MYO6: variants seen among roughly 807,000 people sequenced by gnomAD.
MYO6 encodes myosin VI.
MYO6 carries 74 observed loss-of-function variants against 178.7 expected under a neutral mutation model. The observed-to-expected ratio is 0.41, with a 90% confidence interval of 0.34 to 0.50. The LOEUF is 0.50. Ranked by LOEUF, MYO6 falls within the 20% of genes least tolerant of loss-of-function variation. The pLI is 0.09. For missense variants in MYO6, 1,330 were observed against 1,547.4 expected (o/e 0.86, Z 2.36); for synonymous variants, 477 against 504.6 (o/e 0.95, Z 0.73).
chr6:75,842,412 C>CT (rs1356442670), intron 9 of MYO6, among the ~76,000 whole-genome samples: 1 of 152,122 alleles, frequency 6.6e-6, no homozygotes, highest in African/African-American at 2.4e-5. Context: ...TTCTGATAGT[C>CT]TTTTTTGGTC....
At chr6:75,790,023 ATAT>A (rs1234059955) in intron 1 of MYO6, among the ~76,000 whole-genome samples, 2 of 152,148 alleles carry the variant, frequency 1.3e-5, no homozygotes, top group Non-Finnish European at 2.9e-5. Context: ...TTTACTTAAT[ATAT>A]TATCTTCTAG....
chr6:75,808,238 T>C (rs1373458436), intron 1 of MYO6, among the ~76,000 whole-genome samples: 1 of 152,234 alleles, frequency 6.6e-6, no homozygotes, highest in Non-Finnish European at 1.5e-5. Context: ...TTCACAGTTT[T>C]GTAACCTGGA....
At position 75,844,935 on chromosome 6, in the gene MYO6, A is replaced by G. The variant is rs1774582817; in HGVS notation, c.855A>G (p.Lys285=). 1 of 1,613,456 alleles carries G rather than the reference A, an allele frequency of 6.2e-7. No individual in the cohort carries two copies. The highest frequency in any genetic ancestry group is 1.1e-5 in the South Asian group (1 of 91,064). ...NRGCTRYFAN[K]ETDKQILQNR... is the part of the protein sequence containing the mutation. ...GCTGCACTAGATACTTTGCTAACAA[A>G]GAAACTGACAAACAGATTTTACAGA... The change falls in exon 10 of 35, where the codon AAA becomes AAG. Residue 285 remains lysine (K), a synonymous_variant. Transcript: ENST00000369977.
chr6:75,913,068 C>T (rs1780882634), intron 33 of MYO6, among the ~76,000 whole-genome samples: 1 of 152,062 alleles, frequency 6.6e-6, no homozygotes, highest in Non-Finnish European at 1.5e-5. Context: ...GTACATTTTA[C>T]AATATTTCTT....
intron 30 of MYO6, among the ~76,000 whole-genome samples, chr6:75,904,261 C>T (rs1322771006): frequency 6.7e-6 from 1 of 150,088 alleles, no homozygotes; most frequent in Non-Finnish European, 1.5e-5. Context: ...TTTCCTGAAT[C>T]TGAATGTTGG....
intron 30 of MYO6, among the ~76,000 whole-genome samples, chr6:75,905,500 C>G (rs1300790138): frequency 2.0e-5 from 3 of 152,262 alleles, no homozygotes; most frequent in Non-Finnish European, 4.4e-5. Context: ...GTCTGTCACC[C>G]CTTTCTTTGA....
At chr6:75,819,230 G>T (rs1342215658) in intron 2 of MYO6, among the ~76,000 whole-genome samples, 4 of 151,966 alleles carry the variant, frequency 2.6e-5, no homozygotes, top group Non-Finnish European at 5.9e-5. Context: ...TTTCCACAAA[G>T]TTTTTTTTGA....
chr6:75,804,429 G>T (rs12662672), intron 1 of MYO6, among the ~76,000 whole-genome samples: 5,629 of 152,176 alleles, frequency 0.037, 228 homozygotes, highest in East Asian at 0.15. Context: ...ATTGTTTTGA[G>T]CAGCAAGGCC....
At chr6:75,902,776 T>C (rs1157311324) in intron 30 of MYO6, among the ~76,000 whole-genome samples, 15 of 150,894 alleles carry the variant, frequency 9.9e-5, no homozygotes, top group African/African-American at 2.9e-4. Context: ...AGCTTTTGAA[T>C]GTGTTTGCTC....
At chr6:75,795,293 T>TC (rs1768688086) in intron 1 of MYO6, among the ~76,000 whole-genome samples, 1 of 152,168 alleles carries the variant, frequency 6.6e-6, no homozygotes, top group Admixed American at 6.5e-5. Flanking sequence ...GAGATCTACT[T>TC]TAAAAAAAAC....
intron 1 of MYO6, among the ~76,000 whole-genome samples, chr6:75,775,701 T>C (rs915632713): frequency 1.3e-5 from 2 of 152,178 alleles, no homozygotes; most frequent in African/African-American, 4.8e-5. Flanking sequence ...AGTTGTTCAA[T>C]TTTATTTTGT....
chr6:75,861,139 T>C, intron 15 of MYO6, 44 bp downstream of exon 15: 1 of 1,405,090 alleles, frequency 7.1e-7, no homozygotes, highest in Non-Finnish European at 1.0e-6. Flanking sequence ...TAGGAAGATG[T>C]AGTGAATGTG....
At chr6:75,811,018 TG>T (rs200865534) in intron 1 of MYO6, among the ~76,000 whole-genome samples, 16 of 151,708 alleles carry the variant, frequency 1.1e-4, no homozygotes, top group Admixed American at 8.6e-4. Context: ...TAAGCAGTTT[TG>T]TTTTTTTTTT....
chr6:75,754,605 T>G (rs1305408222), intron 1 of MYO6, among the ~76,000 whole-genome samples: 1 of 151,978 alleles, frequency 6.6e-6, no homozygotes, highest in Non-Finnish European at 1.5e-5. Context: ...ATTTTTTGAT[T>G]TCTGATCTAT....
chr6:75,759,694 A>G (rs1777781859), intron 1 of MYO6, among the ~76,000 whole-genome samples: 1 of 152,074 alleles, frequency 6.6e-6, no homozygotes, highest in African/African-American at 2.4e-5. Context: ...GATTTGTAGC[A>G]TTTCCTTGGT....
chr6:75,773,892 A>G (rs1400024618), intron 1 of MYO6, among the ~76,000 whole-genome samples: 1 of 152,270 alleles, frequency 6.6e-6, no homozygotes, highest in East Asian at 1.9e-4. Flanking sequence ...ACCAAAATGA[A>G]GTGAATAAGA....
chr6:75,856,977 A>T, intron 12 of MYO6, 120 bp from the exon 13 acceptor site: 1 of 903,176 alleles, frequency 1.1e-6, no homozygotes, highest in Non-Finnish European at 1.7e-6. Flanking sequence ...GCCTATTCTC[A>T]CATGACCTTT....
intron 1 of MYO6, among the ~76,000 whole-genome samples, chr6:75,811,569 C>T (rs1011106857): frequency 1.3e-5 from 2 of 152,098 alleles, no homozygotes; most frequent in African/African-American, 2.4e-5. Flanking sequence ...GAAAGTAGTT[C>T]GAAGTTTAAT....
At chr6:75,798,998 G>A (rs1038498067) in intron 1 of MYO6, among the ~76,000 whole-genome samples, 4 of 152,112 alleles carry the variant, frequency 2.6e-5, no homozygotes, top group African/African-American at 7.2e-5. Context: ...ACACAATCCC[G>A]TTTACAACAG....
Sources: allele counts gnomAD v4.1 joint callset (sites outside exome capture counted in the v4.1 genomes callset), GRCh38; gene constraint gnomAD v4.1.1; transcripts MANE v1.5; gene names NCBI Gene and HGNC (gene_info 2026-07-23, HGNC 2026-07-21).